The following FAM135B variants were observed in gnomAD, a reference collection of about 807,000 sequenced individuals.
FAM135B encodes protein FAM135B.
A neutral mutation model predicts 127.7 loss-of-function variants in FAM135B; 43 were observed. The observed-to-expected ratio is 0.34, with a 90% CI of 0.26 to 0.43. The LOEUF is 0.43. Among genes scored for constraint, FAM135B ranks in the 20% least tolerant of loss-of-function variants. The pLI is 1.00. For missense variants in FAM135B, 1,558 were observed against 1,725.6 expected, an observed-to-expected ratio of 0.90 and a Z score of 1.72; for synonymous variants, 670 against 665.1, an observed-to-expected ratio of 1.01 and a Z score of -0.11.
chr8:138,300,779 T>A (rs1257937980), intron 3 of FAM135B, among the ~76,000 whole-genome samples: 1 of 138,588 alleles, frequency 7.2e-6, no homozygotes, highest in African/African-American at 2.7e-5. Context: ...AGAGACTGAG[T>A]CTCGCTCTGT....
chr8:138,342,774 A>C (rs777467629), intron 2 of FAM135B, among the ~76,000 whole-genome samples: 3 of 152,208 alleles, frequency 2.0e-5, no homozygotes, highest in Non-Finnish European at 4.4e-5. Flanking sequence ...TTGTTTAATT[A>C]AGCATGCATG....
chr8:138,339,629 A>AGTTTTTTTGCATATGTGTCC (rs1828903051), intron 2 of FAM135B, among the ~76,000 whole-genome samples: 1 of 151,932 alleles, frequency 6.6e-6, no homozygotes, highest in Non-Finnish European at 1.5e-5. Flanking sequence ...CATATGTGTC[A>AGTTTTTTTGCATATGTGTCC]CAGTTTTTTT....
chr8:138,406,366 T>C (rs1449449740), intron 1 of FAM135B, among the ~76,000 whole-genome samples: 4 of 152,126 alleles, frequency 2.6e-5, no homozygotes, highest in African/African-American at 7.2e-5. Context: ...CTGAAACTAT[T>C]CCAATCAATA....
At chr8:138,249,334 G>T (rs1226809287) in intron 6 of FAM135B, among the ~76,000 whole-genome samples, 1 of 152,102 alleles carries the variant, frequency 6.6e-6, no homozygotes, top group Non-Finnish European at 1.5e-5. Context: ...CTATAACTGT[G>T]AATCTTGTAA....
intron 1 of FAM135B, among the ~76,000 whole-genome samples, chr8:138,417,187 C>A (rs1247430892): frequency 6.6e-6 from 1 of 152,180 alleles, no homozygotes; most frequent in Non-Finnish European, 1.5e-5. Flanking sequence ...CAGAGCAGGG[C>A]TATCTTTCCC....
Position 138,139,058 on chromosome 8 carries a change from G to C in FAM135B, c.3829C>G (p.Leu1277Val), listed in dbSNP as rs1252946674. ...LMQKLKKSGS[L>V]LQLTFRDNAD... ...TTATCCCTGAAGGTCAGCTGCAGTA[G>C]AGACCCGGATTTCTTCAGTTTCTGC... Residue 1277 changes from leucine (L) to valine (V), a missense_variant, in exon 18 of 20, where the codon CTA (leucine) becomes GTA (valine). Physicochemically the swap from Leu to Val is conservative, Grantham distance 32. Around this residue, in one of 5 missense-constraint regions of FAM135B, gnomAD observed 194 missense variants for 333.8 expected, o/e 0.58. Coordinates refer to ENST00000395297, the MANE Select transcript of FAM135B (RefSeq NM_015912.4). 1.2e-6 allele frequency: 2 copies of C among 1,613,896 alleles called. No individual in the cohort carries two copies. The highest frequency in any genetic ancestry group is 1.7e-5 in the Admixed American group (1 of 60,024).
chr8:138,333,674 A>G (rs1180737014), intron 2 of FAM135B, among the ~76,000 whole-genome samples: 1 of 152,192 alleles, frequency 6.6e-6, no homozygotes, highest in East Asian at 1.9e-4. Flanking sequence ...AAATCCCAGC[A>G]CAGTGCCTAA....
chr8:138,148,284 C>T (rs769542974), intron 14 of FAM135B, among the ~76,000 whole-genome samples: 6 of 152,108 alleles, frequency 3.9e-5, no homozygotes, highest in Admixed American at 1.3e-4. Context: ...TTCACTCCTT[C>T]GCTACATTTA....
intron 1 of FAM135B, among the ~76,000 whole-genome samples, chr8:138,371,905 C>T (rs1407625669): frequency 6.6e-6 from 1 of 152,214 alleles, no homozygotes; most frequent in African/African-American, 2.4e-5. Context: ...TTCCTGAAAG[C>T]TGTGTGTCCA....
chr8:138,167,619 G>A (rs1820053879), intron 12 of FAM135B, among the ~76,000 whole-genome samples: 1 of 152,190 alleles, frequency 6.6e-6, no homozygotes, highest in Admixed American at 6.5e-5. Flanking sequence ...AGGCTGTGGT[G>A]CCCATTTTGC....
intron 2 of FAM135B, among the ~76,000 whole-genome samples, chr8:138,342,260 T>C (rs1829102728): frequency 1.3e-5 from 2 of 152,082 alleles, no homozygotes; most frequent in Non-Finnish European, 2.9e-5. Flanking sequence ...AAGGGAGTAA[T>C]CCAGGCATGA....
At chr8:138,165,111 T>C (rs1021604435) in intron 12 of FAM135B, among the ~76,000 whole-genome samples, 2 of 145,462 alleles carry the variant, frequency 1.4e-5, no homozygotes, top group Non-Finnish European at 3.0e-5. Context: ...ATTTATTTAT[T>C]TATTTAATTG....
chr8:138,220,727 T>C (rs1818966185), intron 7 of FAM135B, among the ~76,000 whole-genome samples: 1 of 152,328 alleles, frequency 6.6e-6, no homozygotes, highest in Admixed American at 6.5e-5. Context: ...TCCCCCCAAC[T>C]ATTTCGAGTC....
In FAM135B at chr8:138,497,201, C is replaced by A. The variant is rs1587570309; in HGVS notation, c.-550G>T. Reference sequence around the variant, plus strand: ...CTCGCGGCCGGGAGAGCCCGCCCTGCTGCTCCCGCTGGCTCCGCTCCGCAG... The same window carrying A: ...CTCGCGGCCGGGAGAGCCCGCCCTGATGCTCCCGCTGGCTCCGCTCCGCAG... On this transcript the variant is annotated 5_prime_UTR_variant, in exon 1 of 20. Transcript: ENST00000395297. Among the ~76,000 whole-genome samples the A allele has an allele frequency of 6.6e-6, 1 of 151,012 alleles. No individual in the cohort carries two copies. Among genetic ancestry groups the A allele is most frequent in the Non-Finnish European group, 1.5e-5 (1 of 67,708 alleles).
chr8:138,451,996 A>C (rs575872813), intron 1 of FAM135B, among the ~76,000 whole-genome samples: 2 of 152,198 alleles, frequency 1.3e-5, no homozygotes, highest in South Asian at 4.1e-4. Flanking sequence ...TTTTATAATT[A>C]AGTTGCATTT....
chr8:138,254,823 G>A (rs545230622), intron 5 of FAM135B, among the ~76,000 whole-genome samples: 1 of 152,214 alleles, frequency 6.6e-6, no homozygotes, highest in East Asian at 1.9e-4. Flanking sequence ...GCCAGCCCAG[G>A]TACCAGGCAA....
chr8:138,254,590 C>A (rs1038182034), intron 5 of FAM135B, among the ~76,000 whole-genome samples: 2 of 152,140 alleles, frequency 1.3e-5, no homozygotes, highest in Non-Finnish European at 2.9e-5. Flanking sequence ...GGGAAGAAGG[C>A]CAGCCTCTTT....
intron 19 of FAM135B, among the ~76,000 whole-genome samples, 178 bp downstream of exon 19, chr8:138,136,969 C>A (rs978061647): frequency 2.6e-5 from 4 of 152,144 alleles, no homozygotes; most frequent in African/African-American, 9.7e-5. Flanking sequence ...GTTTATTACA[C>A]AAAGGAAGGA....
intron 2 of FAM135B, chr8:138,367,371 G>A (rs1313867256): frequency 4.4e-6 from 2 of 456,106 alleles, no homozygotes; most frequent in Admixed American, 2.3e-5. Context: ...AGGATTTACT[G>A]ATATCACCTG....
Sources: allele counts gnomAD v4.1 joint callset (sites outside exome capture counted in the v4.1 genomes callset), GRCh38; gene constraint gnomAD v4.1.1; regional missense constraint gnomAD v4.1.1; transcripts MANE v1.5; gene names NCBI Gene and HGNC (gene_info 2026-07-23, HGNC 2026-07-21).